Variants in ACBD6 observed in about 807,000 individuals in gnomAD.
ACBD6 encodes the protein acyl-CoA binding domain containing 6.
A neutral mutation model predicts 37.2 loss-of-function variants in ACBD6; 28 were observed. The observed-to-expected ratio is 0.75, with a 90% CI of 0.56 to 1.03. ACBD6 has a LOEUF of 1.03. ACBD6 is among the 50% of genes least tolerant of loss of function. ACBD6 has a pLI of 0.00. For missense variants in ACBD6, 340 were observed against 337.4 expected (o/e 1.01, Z -0.06); for synonymous variants, 113 against 126.8 (o/e 0.89, Z 0.73).
chr1:180,312,818 C>T (rs565312835), intron 7 of ACBD6, among the ~76,000 whole-genome samples: 3 of 152,244 alleles, frequency 2.0e-5, no homozygotes, highest in East Asian at 3.9e-4. Flanking sequence ...CAGATTAACT[C>T]ATTATAACAA....
At chr1:180,408,575 G>A (rs1395844637) in intron 5 of ACBD6, among the ~76,000 whole-genome samples, 1 of 152,052 alleles carries the variant, frequency 6.6e-6, no homozygotes, top group Admixed American at 6.6e-5. Flanking sequence ...GCTAAATGAT[G>A]AGTTAATGGG....
At chr1:180,447,483 C>A (rs1371622703) in intron 3 of ACBD6, among the ~76,000 whole-genome samples, 4 of 152,116 alleles carry the variant, frequency 2.6e-5, no homozygotes, top group Non-Finnish European at 4.4e-5. Context: ...TTGTCGATTT[C>A]TTGGCTTTTG....
chr1:180,380,579 CA>C (rs1243137327), intron 6 of ACBD6, among the ~76,000 whole-genome samples: 1 of 151,400 alleles, frequency 6.6e-6, no homozygotes, highest in East Asian at 1.9e-4. Context: ...AAGGGATACT[CA>C]GTATAATAAC....
intron 8 of ACBD6, among the ~76,000 whole-genome samples, chr1:180,281,674 C>A (rs1171386261): frequency 1.3e-5 from 2 of 152,032 alleles, no homozygotes; most frequent in Non-Finnish European, 2.9e-5. Context: ...ACTGATCAAG[C>A]TCTGTATGGA....
intron 6 of ACBD6, among the ~76,000 whole-genome samples, chr1:180,325,511 A>G (rs1337182492): frequency 6.6e-6 from 1 of 152,166 alleles, no homozygotes; most frequent in African/African-American, 2.4e-5. Flanking sequence ...TTTCCTCAAA[A>G]CAGTTATTTT....
intron 6 of ACBD6, among the ~76,000 whole-genome samples, chr1:180,337,172 A>T (rs1651756888): frequency 6.6e-6 from 1 of 152,228 alleles, no homozygotes. Flanking sequence ...CATCATCCTG[A>T]TACCAAAGCC....
Position 180,368,640 on chromosome 1 carries a change from T to C in ACBD6, c.663+28876A>G, listed in dbSNP as rs76007177. ...ACCATTTACTGAATAGGAAGTCTTT[T>C]CAGGGGGATGCATTTCAAAATCCCC... On this transcript the variant is annotated intron_variant, in intron 6 of 7. Transcript: ENST00000367595. Among the ~76,000 whole-genome samples, 1,015 of 152,222 alleles carry C rather than the reference T, an allele frequency of 6.7e-3. 17 individuals carry two copies. Among genetic ancestry groups the C allele is most frequent in the African/African-American group, 0.023 (969 of 41,548 alleles).
intron 6 of ACBD6, among the ~76,000 whole-genome samples, chr1:180,384,170 ATT>A (rs1275092517): frequency 6.6e-6 from 1 of 152,098 alleles, no homozygotes; most frequent in Non-Finnish European, 1.5e-5. Context: ...ATGAGACTAT[ATT>A]AAACTACAAA....
At chr1:180,273,467 T>C (rs1209655686) in intron 11 of ACBD6, 3 of 152,618 alleles carry the variant, frequency 2.0e-5, no homozygotes, top group Non-Finnish European at 4.4e-5. Context: ...GACCTATCAT[T>C]GGTTTCTCTG....
intron 6 of ACBD6, among the ~76,000 whole-genome samples, chr1:180,318,163 G>GC (rs1553291888): frequency 0.54 from 16,595 of 30,828 alleles, 4,607 homozygotes; most frequent in Non-Finnish European, 0.63. Context: ...TTCCATCTCC[G>GC]CCCCCCCCCC....
chr1:180,488,226 CTG>C (rs549968717), intron 3 of ACBD6, among the ~76,000 whole-genome samples: 161 of 152,046 alleles, frequency 1.1e-3, no homozygotes, highest in Admixed American at 1.8e-3. Context: ...TTATTCGAAA[CTG>C]TAAAAACAAA....
chr1:180,314,565 A>T (rs1027415506), intron 7 of ACBD6, 127 bp downstream of exon 7: 6 of 782,842 alleles, frequency 7.7e-6, no homozygotes, highest in Non-Finnish European at 1.3e-5. Flanking sequence ...TTTTGAACAA[A>T]AAGTTATTGT....
chr1:180,450,312 T>A (rs1431008081), intron 3 of ACBD6, among the ~76,000 whole-genome samples: 1 of 152,224 alleles, frequency 6.6e-6, no homozygotes, highest in Non-Finnish European at 1.5e-5. Context: ...CCAAAGGCCA[T>A]ACTCTAAAAG....
intron 3 of ACBD6, among the ~76,000 whole-genome samples, chr1:180,470,252 CTAAACA>C (rs1243613449): frequency 6.6e-6 from 1 of 151,984 alleles, no homozygotes; most frequent in Non-Finnish European, 1.5e-5. Flanking sequence ...CACCCAACAC[CTAAACA>C]TAAAGATAAA....
intron 1 of ACBD6, 116 bp from the exon 2 acceptor site, chr1:180,495,641 T>A: frequency 1.3e-6 from 1 of 743,282 alleles, no homozygotes; most frequent in East Asian, 2.6e-5. Context: ...TATTTGCATC[T>A]ATATGGAATA....
chr1:180,469,024 A>G (rs943288489), intron 3 of ACBD6, among the ~76,000 whole-genome samples: 41 of 152,176 alleles, frequency 2.7e-4, no homozygotes, highest in African/African-American at 9.7e-4. Flanking sequence ...CCAGTGCTCA[A>G]ATTTATTTTA....
chr1:180,270,290 A>G (rs1648566854), exon 14 of ACBD6: 1 of 152,296 alleles, frequency 6.6e-6, no homozygotes, highest in South Asian at 2.1e-4. Context: ...CTTGAATGGA[A>G]AGAAAGGAGA....
At chr1:180,392,298 AC>A (rs1654107440) in intron 6 of ACBD6, among the ~76,000 whole-genome samples, 1 of 151,842 alleles carries the variant, frequency 6.6e-6, no homozygotes, top group South Asian at 2.1e-4. Flanking sequence ...TATGTAAAAC[AC>A]ACTGTGCTGT....
chr1:180,282,677 C>T (rs1320001248), intron 8 of ACBD6, among the ~76,000 whole-genome samples: 1 of 152,134 alleles, frequency 6.6e-6, no homozygotes, highest in Non-Finnish European at 1.5e-5. Flanking sequence ...CTGTCAACTG[C>T]AGGGCTTAAA....
Sources: allele counts gnomAD v4.1 joint callset (sites outside exome capture counted in the v4.1 genomes callset), GRCh38; gene constraint gnomAD v4.1.1; transcripts MANE v1.5; gene names NCBI Gene and HGNC (gene_info 2026-07-23, HGNC 2026-07-21).